Variants in RMP64 observed in about 807,000 individuals in gnomAD.
RMP64 encodes nucleolus and neural progenitor protein.
the RMP64 span, chr3:113,019,151 A>C: frequency 3.2e-5 from 7 of 218,112 alleles, no homozygotes; most frequent in East Asian, 3.0e-4. Flanking sequence ...CTCCTCGGGT[A>C]CAGGAAAAAG....
chr3:113,012,331 A>G, the RMP64 span, among the ~76,000 whole-genome samples: 2 of 152,364 alleles, frequency 1.3e-5, no homozygotes, highest in Non-Finnish European at 2.9e-5. Context: ...GATTAGCATC[A>G]TTTTAAACGG....
chr3:113,010,960 G>GCAATGCATGA, the RMP64 span: 3 of 1,214,122 alleles, frequency 2.5e-6, no homozygotes, highest in Admixed American at 2.5e-5. Flanking sequence ...TTCTTTCTAT[G>GCAATGCATGA]CAATGCATGA....
the RMP64 span, chr3:113,003,407 G>A: frequency 6.6e-6 from 1 of 152,138 alleles, no homozygotes; most frequent in Middle Eastern, 3.4e-3. Flanking sequence ...TCATTTACTA[G>A]GTAAGTTACA....
At chr3:113,013,967 C>T in the RMP64 span, 2 of 1,612,978 alleles carry the variant, frequency 1.2e-6, no homozygotes, top group Admixed American at 1.7e-5. Context: ...AAGAAAACAA[C>T]TCAAACAGGT....
At chr3:113,006,023 G>A in the RMP64 span, 20 of 1,539,234 alleles carry the variant, frequency 1.3e-5, no homozygotes, top group East Asian at 4.5e-5. Context: ...GACAGAGAGA[G>A]GAAAAATCTG....
At chr3:113,019,337 G>A in the RMP64 span, among the ~76,000 whole-genome samples, 2 of 152,228 alleles carry the variant, frequency 1.3e-5, no homozygotes, top group Non-Finnish European at 2.9e-5. Flanking sequence ...TAGCACAGCT[G>A]GTTCAATGAA....
chr3:113,014,953 A>G, the RMP64 span: 1 of 152,138 alleles, frequency 6.6e-6, no homozygotes, highest in Admixed American at 6.5e-5. Flanking sequence ...TCCAGACTTG[A>G]AAACTGAAAA....
At chr3:113,013,376 T>A in the RMP64 span, 2 of 1,612,214 alleles carry the variant, frequency 1.2e-6, no homozygotes, top group Non-Finnish European at 1.7e-6. Flanking sequence ...GGACAACACA[T>A]ACTTTGGTAG....
At chr3:113,019,195 G>T in the RMP64 span, 1 of 307,182 alleles carries the variant, frequency 3.3e-6, no homozygotes, top group Non-Finnish European at 6.1e-6. Flanking sequence ...GGGTAAACAA[G>T]ACTCCGAAGA....
chr3:113,015,859 T>TA, the RMP64 span, among the ~76,000 whole-genome samples: 1,582 of 107,554 alleles, frequency 0.015, 15 homozygotes, highest in African/African-American at 0.035. Flanking sequence ...GCCAAGAATT[T>TA]AAAAAAAAAA....
chr3:113,012,645 T>G, the RMP64 span: 1 of 789,104 alleles, frequency 1.3e-6, no homozygotes, highest in South Asian at 1.6e-5. Flanking sequence ...CATAACCCCA[T>G]AAGAAAATAA....
chr3:113,006,911 A>T, the RMP64 span, among the ~76,000 whole-genome samples: 1 of 152,218 alleles, frequency 6.6e-6, no homozygotes, highest in African/African-American at 2.4e-5. Context: ...TCTACCTCAC[A>T]ATGTTATTAT....
At chr3:113,008,675 AAATC>A in the RMP64 span, 1 of 332,396 alleles carries the variant, frequency 3.0e-6, no homozygotes, top group Non-Finnish European at 5.5e-6. Flanking sequence ...TAAAAAAAAA[AAATC>A]AGTCTGTAAG....
the RMP64 span, chr3:113,010,715 G>A: frequency 6.2e-7 from 1 of 1,609,244 alleles, no homozygotes; most frequent in Non-Finnish European, 8.5e-7. Context: ...CTGTGGAGGT[G>A]GAAAAATTGC....
the RMP64 span, chr3:113,013,150 GTT>G: frequency 9.0e-7 from 1 of 1,111,686 alleles, no homozygotes; most frequent in Non-Finnish European, 1.3e-6. Flanking sequence ...AGAAGCAAAA[GTT>G]TAAGAATTCC....
the RMP64 span, chr3:113,002,466 T>C: frequency 6.6e-5 from 10 of 152,326 alleles, no homozygotes; most frequent in African/African-American, 2.4e-4. Flanking sequence ...AAACATTTAA[T>C]AGGGACTTAT....
chr3:113,005,170 T>C, the RMP64 span: 1 of 245,640 alleles, frequency 4.1e-6, no homozygotes, highest in Non-Finnish European at 8.0e-6. Flanking sequence ...CGCTCCTCAT[T>C]TACCTCAAGA....
At chr3:113,009,444 CAGTT>C in the RMP64 span, 1 of 152,142 alleles carries the variant, frequency 6.6e-6, no homozygotes, top group Non-Finnish European at 1.5e-5. Context: ...AATATAGTAG[CAGTT>C]AGTTTTGAGT....
At chr3:113,007,203 T>C in the RMP64 span, among the ~76,000 whole-genome samples, 1 of 152,114 alleles carries the variant, frequency 6.6e-6, no homozygotes, top group Non-Finnish European at 1.5e-5. Flanking sequence ...AGAGGAGCCA[T>C]CTCAATGTAA....
Sources: allele counts gnomAD v4.1 joint callset (sites outside exome capture counted in the v4.1 genomes callset), GRCh38; gene constraint gnomAD v4.1.1; transcripts MANE v1.5; gene names NCBI Gene and HGNC (gene_info 2026-07-23, HGNC 2026-07-21).